Variants in NF1 observed in about 807,000 individuals in gnomAD.
NF1 encodes neurofibromin.
A neutral mutation model predicts 325.7 loss-of-function variants in NF1; 122 were observed. That is an observed-to-expected ratio of 0.37 (90% CI 0.32 to 0.44). The LOEUF (loss-of-function observed/expected upper bound fraction) is 0.44. NF1 is among the 20% of genes least tolerant of loss of function. NF1 has a pLI of 1.00. For missense variants in NF1, 2,140 were observed against 3,415.4 expected (o/e 0.63, Z 9.31); for synonymous variants, 1,091 against 1,186.0 (o/e 0.92, Z 1.65).
chr17:31,243,549 G>A (rs1186258802), intron 29 of NF1, among the ~76,000 whole-genome samples: 2 of 151,782 alleles, frequency 1.3e-5, no homozygotes, highest in East Asian at 2.0e-4. Context: ...CCGCTCTTCC[G>A]TCCTCTTTTC....
At chr17:31,299,569 C>A (rs1264663598) in intron 36 of NF1, 1 of 151,928 alleles carries the variant, frequency 6.6e-6, no homozygotes, top group Non-Finnish European at 1.5e-5. Context: ...AATAGCTATC[C>A]CACGCTAATC....
chr17:31,301,427 C>T (rs755153798), intron 36 of NF1, among the ~76,000 whole-genome samples: 1 of 152,036 alleles, frequency 6.6e-6, no homozygotes, highest in African/African-American at 2.4e-5. Context: ...TATTTCTGGA[C>T]TTTTTCTTCT....
intron 31 of NF1, among the ~76,000 whole-genome samples, chr17:31,255,622 A>G (rs2067570669): frequency 1.3e-5 from 2 of 152,150 alleles, no homozygotes; most frequent in African/African-American, 4.8e-5. Context: ...AAAGATGTGG[A>G]AGATGGTAAA....
chr17:31,256,597 C>T (rs2067587505), intron 31 of NF1, among the ~76,000 whole-genome samples: 1 of 152,150 alleles, frequency 6.6e-6, no homozygotes, highest in Non-Finnish European at 1.5e-5. Context: ...TTCCTCGTCC[C>T]CAGAAGGTTC....
chr17:31,295,253 C>G, intron 36 of NF1: 1 of 1,614,006 alleles, frequency 6.2e-7, no homozygotes, highest in Non-Finnish European at 8.5e-7. Flanking sequence ...TGTGACCATT[C>G]CATCTTGGAG....
chr17:31,270,738 T>A (rs2067878197), intron 36 of NF1, among the ~76,000 whole-genome samples: 1 of 152,222 alleles, frequency 6.6e-6, no homozygotes, highest in African/African-American at 2.4e-5. Context: ...ATAGCTAACA[T>A]TTCCTAAGTG....
In NF1 at chr17:31,352,242, G is replaced by C; in HGVS notation, c.7458-15G>C. 1.2e-6 allele frequency: 2 copies of C among 1,613,074 alleles called. No individual in the cohort carries two copies. The highest frequency in any genetic ancestry group is 1.3e-5 in the African/African-American group (1 of 75,016). On this transcript the variant is annotated splice_polypyrimidine_tract_variant and intron_variant, in intron 50 of 57. Transcript: ENST00000358273. ...CCATATTAATTGATTTTTCTCTATT[G>C]TTTTCATCTTTCAGGACACTAAAGG...
rs1406950485 is a variant in NF1, at chr17:31,140,993, T to C, written c.61-14990T>C. Among the ~76,000 whole-genome samples, 8 of 152,288 alleles carry C rather than the reference T, an allele frequency of 5.3e-5. No homozygotes were observed. In the East Asian group the frequency reaches 1.2e-3, roughly 22 times the overall value. ...TATATAGATAATAAAATAGCAGATA[T>C]ATAGAATGAAGAAGTCTGGAGAGCT... On this transcript the variant is annotated intron_variant, in intron 1 of 57. Coordinates refer to ENST00000358273, the MANE Select transcript of NF1 (RefSeq NM_001042492.3).
intron 50 of NF1, 28 bp from the exon 51 acceptor site, chr17:31,352,229 A>C (rs1198283133): frequency 6.2e-7 from 1 of 1,610,550 alleles, no homozygotes; most frequent in Non-Finnish European, 8.5e-7. Context: ...ATATTAATTG[A>C]TTTTTCTCTA....
At chr17:31,275,450 T>C (rs1270835118) in intron 36 of NF1, among the ~76,000 whole-genome samples, 1 of 152,210 alleles carries the variant, frequency 6.6e-6, no homozygotes, top group Non-Finnish European at 1.5e-5. Context: ...GCCATGTGCA[T>C]GTGCTTTTAT....
intron 1 of NF1, among the ~76,000 whole-genome samples, chr17:31,154,577 T>C (rs1445839789): frequency 6.6e-6 from 1 of 152,110 alleles, no homozygotes; most frequent in African/African-American, 2.4e-5. Flanking sequence ...AAAGGTTATC[T>C]GTGCTCGTAA....
chr17:31,167,896 G>A (rs2065871152), intron 4 of NF1, among the ~76,000 whole-genome samples: 2 of 152,118 alleles, frequency 1.3e-5, no homozygotes, highest in Admixed American at 1.3e-4. Context: ...CTTATGTTCT[G>A]TGAAGTAGGG....
At chr17:31,286,758 G>A (rs2068236118) in intron 36 of NF1, among the ~76,000 whole-genome samples, 2 of 152,198 alleles carry the variant, frequency 1.3e-5, no homozygotes, top group Admixed American at 6.5e-5. Context: ...GATAATGGTT[G>A]CTGAGGCTTT....
chr17:31,158,978 A>C (rs1567815998), intron 2 of NF1, 32 bp from the exon 3 acceptor site: 1 of 1,368,906 alleles, frequency 7.3e-7, no homozygotes, highest in Admixed American at 1.7e-5. Context: ...AAGTGAAACT[A>C]ACTTTTATGT....
intron 5 of NF1, among the ~76,000 whole-genome samples, chr17:31,180,899 C>A (rs539202022): frequency 6.6e-6 from 1 of 152,174 alleles, no homozygotes; most frequent in South Asian, 2.1e-4. Flanking sequence ...TCAGCAAAGT[C>A]TCAGGATACA....
chr17:31,243,241 G>A (rs866147032), intron 29 of NF1, among the ~76,000 whole-genome samples: 1 of 128,486 alleles, frequency 7.8e-6, no homozygotes, highest in East Asian at 2.5e-4. Context: ...GGGGAGGGGC[G>A]ACACAAGCAG....
At chr17:31,329,287 T>C (rs1555533748) in intron 38 of NF1, among the ~76,000 whole-genome samples, 1 of 152,240 alleles carries the variant, frequency 6.6e-6, no homozygotes, top group Non-Finnish European at 1.5e-5. Flanking sequence ...AGATCTTCAT[T>C]GAAAAATACA....
At chr17:31,208,195 C>A (rs1231002708) in intron 12 of NF1, among the ~76,000 whole-genome samples, 3 of 152,098 alleles carry the variant, frequency 2.0e-5, no homozygotes, top group Non-Finnish European at 4.4e-5. Context: ...GTTTTTATTT[C>A]TAATTATTTT....
At chr17:31,132,189 C>T (rs1915441616) in intron 1 of NF1, among the ~76,000 whole-genome samples, 1 of 152,070 alleles carries the variant, frequency 6.6e-6, no homozygotes, top group African/African-American at 2.4e-5. Flanking sequence ...TTCTTGGCTT[C>T]CAAAAGTGCT....
Sources: allele counts gnomAD v4.1 joint callset (sites outside exome capture counted in the v4.1 genomes callset), GRCh38; gene constraint gnomAD v4.1.1; transcripts MANE v1.5; gene names NCBI Gene and HGNC (gene_info 2026-07-23, HGNC 2026-07-21).